Variants in SMYD1 observed in about 807,000 individuals in gnomAD.
SMYD1 encodes SET and MYND domain containing 1, also known as histone-lysine N-methyltransferase SMYD1.
A neutral mutation model predicts 54.0 loss-of-function variants in SMYD1; 49 were observed. The observed-to-expected ratio is 0.91, with a 90% CI of 0.72 to 1.15. SMYD1 has a LOEUF of 1.15. Among genes scored for constraint, SMYD1 ranks in the 50% most tolerant of loss-of-function variants. The pLI, the probability that SMYD1 is intolerant of heterozygous loss-of-function variation, is 0.00. For missense variants in SMYD1, 653 were observed against 639.6 expected (o/e 1.02, Z -0.23); for synonymous variants, 269 against 234.2 (o/e 1.15, Z -1.36).
chr2:88,087,630 T>A (rs1674362475), intron 2 of SMYD1, among the ~76,000 whole-genome samples: 1 of 152,176 alleles, frequency 6.6e-6, no homozygotes, highest in South Asian at 2.1e-4. Context: ...TCACTCTCTA[T>A]CATGCCACCC....
chr2:88,095,219 A>G (rs11901294), intron 5 of SMYD1, among the ~76,000 whole-genome samples: 1 of 152,074 alleles, frequency 6.6e-6, no homozygotes, highest in Admixed American at 6.6e-5. Context: ...CCTACTGGCC[A>G]TTCATCACTA....
In SMYD1 at chr2:88,070,121, GTT is replaced by G. The variant is rs34016460; in HGVS notation, c.137+2128_137+2129del. 2.6e-5 allele frequency among the ~76,000 whole-genome samples: 4 copies of G among 151,942 alleles called. No individual in the cohort carries two copies. The South Asian group carries it at 6.2e-4, about 24-fold the overall frequency. Reference sequence around the variant, plus strand: ...ATTGAAAAAAAATCTAAAAGAGATAGTTTTTTTTTCAAAAAATGCTTTACCCA... The same window carrying G: ...ATTGAAAAAAAATCTAAAAGAGATAGTTTTTTTCAAAAAATGCTTTACCCA... On this transcript the variant is annotated intron_variant, in intron 1 of 9. Transcript: ENST00000419482.
chr2:88,101,440 A>G (rs752371399), intron 6 of SMYD1, among the ~76,000 whole-genome samples: 10 of 152,348 alleles, frequency 6.6e-5, no homozygotes, highest in Non-Finnish European at 1.3e-4. Flanking sequence ...AAAAAATGCT[A>G]TAGACAGATA....
intron 1 of SMYD1, among the ~76,000 whole-genome samples, chr2:88,074,777 A>G (rs1307809013): frequency 6.6e-6 from 1 of 152,248 alleles, no homozygotes; most frequent in East Asian, 1.9e-4. Flanking sequence ...ATAGTGGGGA[A>G]CATGAGAAAA....
Position 88,110,779 on chromosome 2 carries a change from A to C in SMYD1, c.*267A>C. On this transcript the variant is annotated 3_prime_UTR_variant, in exon 10 of 10. Coordinates refer to ENST00000419482, the MANE Select transcript of SMYD1 (RefSeq NM_198274.4). ...CTAGAACCCAATAAAGGAGCTCCAA[A>C]TGTCGTTGGGTGGGGAAGCAAAATG... is the stretch of plus-strand genomic sequence containing the variant. 5 of 372,794 alleles carry C rather than the reference A, an allele frequency of 1.3e-5. No homozygotes were observed. Among genetic ancestry groups the C allele is most frequent in the East Asian group, 4.6e-5 (1 of 21,596 alleles). 23.1% of individuals were successfully genotyped at this position (372,794 alleles called of 1,614,324 possible).
chr2:88,093,630 A>G, intron 5 of SMYD1, 75 bp downstream of exon 5: 1 of 1,544,224 alleles, frequency 6.5e-7, no homozygotes, highest in Non-Finnish European at 9.0e-7. Context: ...GGGGCCACCC[A>G]TTCCCGAGAC....
intron 6 of SMYD1, 61 bp downstream of exon 6, chr2:88,096,845 T>C: frequency 6.5e-7 from 1 of 1,535,710 alleles, no homozygotes; most frequent in Non-Finnish European, 8.8e-7. Context: ...CAGTCACAGG[T>C]GGTTTCACAG....
chr2:88,089,832 T>C (rs1437780578), intron 3 of SMYD1, among the ~76,000 whole-genome samples: 3 of 152,042 alleles, frequency 2.0e-5, no homozygotes, highest in Non-Finnish European at 4.4e-5. Context: ...GCTCAAGTGA[T>C]CTGCCCATCT....
At chr2:88,085,008 C>T (rs1022852046) in intron 2 of SMYD1, among the ~76,000 whole-genome samples, 2 of 152,106 alleles carry the variant, frequency 1.3e-5, no homozygotes, top group Admixed American at 6.5e-5. Flanking sequence ...TCTCGGCCTC[C>T]CAAAGTGCTG....
At chr2:88,098,327 C>G (rs1417398002) in intron 6 of SMYD1, among the ~76,000 whole-genome samples, 1 of 152,154 alleles carries the variant, frequency 6.6e-6, no homozygotes, top group Non-Finnish European at 1.5e-5. Flanking sequence ...GTTCAGTAGG[C>G]TATGTGTGGC....
At chr2:88,085,938 A>G (rs1674313678) in intron 2 of SMYD1, among the ~76,000 whole-genome samples, 2 of 152,358 alleles carry the variant, frequency 1.3e-5, no homozygotes, top group South Asian at 4.1e-4. Flanking sequence ...TAATGCCACC[A>G]AACTGTATGC....
In SMYD1 at chr2:88,112,107, A is replaced by T. The variant is rs1281720941; in HGVS notation, c.*1595A>T. 1.4e-6 allele frequency: 1 copy of T among 703,390 alleles called. No individual in the cohort carries two copies. Among genetic ancestry groups the T allele is most frequent in the African/African-American group, 1.7e-5 (1 of 57,374 alleles). The allele number at this position is 703,390 out of a possible 1,614,324, so 43.6% of individuals were successfully genotyped here. A position where few individuals can be genotyped will look rare whatever the true frequency, so the allele number is the denominator to read the frequency against. Reference sequence around the variant, plus strand: ...AAGAATTTCCTTTCTGGAAGGTTTTACAAGAAGACTGATAGTCTTTCAAGC... The same window carrying T: ...AAGAATTTCCTTTCTGGAAGGTTTTTCAAGAAGACTGATAGTCTTTCAAGC... On this transcript the variant is annotated 3_prime_UTR_variant, in exon 10 of 10. Coordinates refer to ENST00000419482, the MANE Select transcript of SMYD1 (RefSeq NM_198274.4).
At position 88,106,025 on chromosome 2, in the gene SMYD1, T is replaced by A. The variant is rs573466774; in HGVS notation, c.982-300T>A. ...ATACAGATCTGACTGTACATATATGTGTGTGTTTGTGTGTGTGTGTATGTA... is the reference window on the plus strand; with the variant it reads ...ATACAGATCTGACTGTACATATATGAGTGTGTTTGTGTGTGTGTGTATGTA... On this transcript the variant is annotated intron_variant, in intron 7 of 9. Transcript: ENST00000419482. 3.9e-5 allele frequency among the ~76,000 whole-genome samples: 6 copies of A among 152,226 alleles called. No homozygotes were observed. In the South Asian group the frequency reaches 1.2e-3, roughly 32 times the overall value.
chr2:88,074,587 A>AGAATT (rs1674019408), intron 1 of SMYD1, among the ~76,000 whole-genome samples: 1 of 152,246 alleles, frequency 6.6e-6, no homozygotes, highest in East Asian at 1.9e-4. Flanking sequence ...CCAACGAAAA[A>AGAATT]GAATTTTCTA....
At chr2:88,081,440 CTTT>C (rs1165739190) in intron 1 of SMYD1, among the ~76,000 whole-genome samples, 2 of 140,306 alleles carry the variant, frequency 1.4e-5, no homozygotes, top group Non-Finnish European at 3.1e-5. Flanking sequence ...CTAATTTTTT[CTTT>C]TTTTTTTTTT....
Position 88,067,850 on chromosome 2 carries a change from C to T in SMYD1, c.-15C>T. The T allele has an allele frequency of 6.2e-7, 1 of 1,612,130 alleles. No individual in the cohort carries two copies. Among genetic ancestry groups the T allele is most frequent in the African/African-American group, 1.3e-5 (1 of 74,898 alleles). On this transcript the variant is annotated 5_prime_UTR_variant, in exon 1 of 10. Transcript: ENST00000419482. The stretch of plus-strand genomic sequence containing the variant: ...AGTGTTAAATAACTGCCGCGCTGGC[C>T]TGACAGTCTCTGAGATGACAATAGG...
intron 7 of SMYD1, among the ~76,000 whole-genome samples, chr2:88,105,022 C>G (rs1378313907): frequency 1.3e-5 from 2 of 152,220 alleles, no homozygotes; most frequent in Non-Finnish European, 2.9e-5. Flanking sequence ...ACTCACTGAG[C>G]CTCAGAACCA....
At chr2:88,094,659 A>G (rs1395666080) in intron 5 of SMYD1, among the ~76,000 whole-genome samples, 1 of 152,226 alleles carries the variant, frequency 6.6e-6, no homozygotes, top group Non-Finnish European at 1.5e-5. Context: ...GTTTTGAAAA[A>G]TTTCTAATAC....
chr2:88,104,642 G>A (rs61619378), intron 7 of SMYD1, among the ~76,000 whole-genome samples: 37,182 of 152,136 alleles, frequency 0.24, 4,534 homozygotes, highest in East Asian at 0.31. Context: ...TCCACTCCCC[G>A]CCACCTCGGG....
Sources: gnomAD v4.1 joint callset for allele counts (sites outside exome capture counted in the v4.1 genomes callset) on GRCh38, gnomAD v4.1.1 for gene constraint, MANE v1.5 for transcripts, NCBI Gene and HGNC (gene_info 2026-07-23, HGNC 2026-07-21) for gene names.